The following SERGEF variants were observed in gnomAD, a reference collection of about 807,000 sequenced individuals.
SERGEF encodes the protein secretion regulating guanine nucleotide exchange factor.
In SERGEF, 51 loss-of-function variants were observed where a neutral mutation model predicts 50.0. That is an observed-to-expected ratio of 1.02 (90% CI 0.81 to 1.29). SERGEF has a LOEUF of 1.29. SERGEF is among the 50% of genes most tolerant of loss of function. The pLI, the probability that SERGEF is intolerant of heterozygous loss-of-function variation, is 0.00. For synonymous variants in SERGEF, 205 were observed against 212.4 expected (o/e 0.97, Z 0.30); for missense variants, 521 against 557.0 (o/e 0.94, Z 0.65).
At chr11:17,911,447 CAT>C (rs1851952425) in intron 9 of SERGEF, among the ~76,000 whole-genome samples, 1 of 149,528 alleles carries the variant, frequency 6.7e-6, no homozygotes, top group Non-Finnish European at 1.5e-5. Context: ...TAAGTTTTGA[CAT>C]ATGTACACAC....
At chr11:17,816,624 G>C (rs1436971345) in intron 10 of SERGEF, among the ~76,000 whole-genome samples, 2 of 152,202 alleles carry the variant, frequency 1.3e-5, no homozygotes, top group Non-Finnish European at 2.9e-5. Context: ...AAATGGAAAG[G>C]TAAGCGTGCA....
At chr11:17,799,289 G>A (rs1452656855) in intron 10 of SERGEF, among the ~76,000 whole-genome samples, 2 of 152,084 alleles carry the variant, frequency 1.3e-5, no homozygotes, top group Non-Finnish European at 2.9e-5. Flanking sequence ...CGCTGCTTTG[G>A]AGGCCAAGTC....
At chr11:17,944,731 C>T (rs927744581) in intron 9 of SERGEF, among the ~76,000 whole-genome samples, 4 of 152,194 alleles carry the variant, frequency 2.6e-5, no homozygotes, top group African/African-American at 9.6e-5. Flanking sequence ...ATGAAAAACC[C>T]GCTTCTCTCT....
intron 10 of SERGEF, among the ~76,000 whole-genome samples, chr11:17,816,174 C>G (rs760000983): frequency 1.3e-4 from 20 of 152,220 alleles, no homozygotes; most frequent in Middle Eastern, 3.4e-3. Context: ...CTTTCCTGAT[C>G]CAGAAGTCTC....
chr11:17,826,987 C>T lies in SERGEF; in HGVS notation c.1049-38574G>A, dbSNP rs1850207862. ...TGGTGAAGATGGGATTTGAATTCAG[C>T]CAGTGTTCTTTCTTCTATACCACGC... On this transcript the variant is annotated intron_variant, in intron 10 of 10. Transcript: ENST00000265965. Among the ~76,000 whole-genome samples the T allele has an allele frequency of 3.3e-5, 5 of 150,186 alleles. No homozygotes were observed. In the East Asian group the frequency reaches 9.8e-4, roughly 29 times the overall value.
intron 5 of SERGEF, 45 bp downstream of exon 5, chr11:18,000,452 A>G (rs1196689380): frequency 7.5e-7 from 1 of 1,333,786 alleles, no homozygotes; most frequent in African/African-American, 1.5e-5. Flanking sequence ...CCATCTCTAA[A>G]AAGTATTAAA....
intron 10 of SERGEF, among the ~76,000 whole-genome samples, chr11:17,790,459 G>A (rs1849466232): frequency 6.6e-6 from 1 of 151,760 alleles, no homozygotes; most frequent in South Asian, 2.1e-4. Context: ...ATCCCATTAT[G>A]TATAAATCAT....
At chr11:17,961,018 C>T (rs1005481264) in intron 8 of SERGEF, among the ~76,000 whole-genome samples, 5 of 152,216 alleles carry the variant, frequency 3.3e-5, no homozygotes, top group East Asian at 1.9e-4. Context: ...ACATGTACCA[C>T]TAGTTCTATG....
At chr11:17,987,821 G>A (rs1180532171) in intron 8 of SERGEF, among the ~76,000 whole-genome samples, 2 of 152,198 alleles carry the variant, frequency 1.3e-5, no homozygotes, top group African/African-American at 4.8e-5. Flanking sequence ...AAGCAGGACA[G>A]GAGTAGGCAA....
Position 17,892,827 on chromosome 11 carries a change from C to A in SERGEF, c.1012-14583G>T, listed in dbSNP as rs2283241. ...AGCATCTCTGGGAGGTGGAGGTTGCCGTGAGTTGAGATCATACCACTGCAC... is the reference window on the plus strand; with the variant it reads ...AGCATCTCTGGGAGGTGGAGGTTGCAGTGAGTTGAGATCATACCACTGCAC... On this transcript the variant is annotated intron_variant, in intron 9 of 10. Transcript: ENST00000265965. 2.2e-4 allele frequency among the ~76,000 whole-genome samples: 34 copies of A among 152,178 alleles called. 1 individual carries two copies. In the East Asian group the frequency reaches 6.2e-3, roughly 28 times the overall value.
chr11:17,996,913 A>G (rs1853848324), intron 5 of SERGEF, among the ~76,000 whole-genome samples: 1 of 152,224 alleles, frequency 6.6e-6, no homozygotes, highest in African/African-American at 2.4e-5. Context: ...CTCAACAACC[A>G]AAAGAAACAA....
rs1565194602 is a variant in SERGEF at position 17,884,204 on chromosome 11, G to GA, written c.1012-5961_1012-5960insT. Reference sequence around the variant, plus strand: ...CCTTCAGGTGCTATGGCAACGAGGCGTACGTGCGGAAACACATGATGGCCA... The same window carrying GA: ...CCTTCAGGTGCTATGGCAACGAGGCGATACGTGCGGAAACACATGATGGCCA... On this transcript the variant is annotated intron_variant, in intron 9 of 10. Coordinates refer to ENST00000265965, the MANE Select transcript of SERGEF (RefSeq NM_012139.4). This position sits in a 1 kb window ranked among gnomAD's most constrained non-coding sequence, Gnocchi z 4.6. 6.6e-6 allele frequency among the ~76,000 whole-genome samples: 1 copy of GA among 152,220 alleles called. No homozygotes were observed. The highest frequency in any genetic ancestry group is 2.4e-5 in the African/African-American group (1 of 41,444).
At chr11:17,970,272 T>G (rs1327549616) in intron 8 of SERGEF, among the ~76,000 whole-genome samples, 2 of 152,198 alleles carry the variant, frequency 1.3e-5, no homozygotes, top group Non-Finnish European at 2.9e-5. Context: ...TTACATCTGT[T>G]ATGGTGATCT....
chr11:18,013,031 C>T lies in SERGEF; in HGVS notation c.-21G>A. 1.5e-6 allele frequency: 2 copies of T among 1,358,990 alleles called. No homozygotes were observed. Among genetic ancestry groups the T allele is most frequent in the Non-Finnish European group, 1.9e-6 (2 of 1,066,454 alleles). The allele number at this position is 1,358,990 out of a possible 1,614,324, so 84.2% of individuals were successfully genotyped here. On this transcript the variant is annotated 5_prime_UTR_variant, in exon 1 of 11. Transcript: ENST00000265965. This position sits in a 1 kb window ranked among gnomAD's most constrained non-coding sequence, Gnocchi z 4.3. ...TCCATGCGAGGACGCTCCGCCGGCG[C>T]TTCCGGGAGGGACGGCACGGGGGCG...
intron 10 of SERGEF, among the ~76,000 whole-genome samples, chr11:17,827,555 T>C (rs1048926166): frequency 2.6e-5 from 4 of 152,170 alleles, no homozygotes; most frequent in Non-Finnish European, 5.9e-5. Context: ...CTTGTAACAG[T>C]TCTGGAGCTG....
chr11:17,987,513 C>T (rs976214630), intron 8 of SERGEF, among the ~76,000 whole-genome samples: 2 of 152,210 alleles, frequency 1.3e-5, no homozygotes, highest in Non-Finnish European at 2.9e-5. Context: ...GACGACCTTC[C>T]TCCTAATGAA....
chr11:17,878,824 G>C (rs1851287824), intron 9 of SERGEF, among the ~76,000 whole-genome samples: 1 of 152,112 alleles, frequency 6.6e-6, no homozygotes, highest in South Asian at 2.1e-4. Flanking sequence ...CCTCTACCCA[G>C]AATGTCCTCT....
chr11:17,873,018 A>T (rs1310925435), intron 10 of SERGEF, among the ~76,000 whole-genome samples: 1 of 152,196 alleles, frequency 6.6e-6, no homozygotes, highest in Non-Finnish European at 1.5e-5. Flanking sequence ...ATGTGGTAGA[A>T]GGGTTTTGGG....
At chr11:17,911,068 G>A (rs1414871296) in intron 9 of SERGEF, among the ~76,000 whole-genome samples, 1 of 152,112 alleles carries the variant, frequency 6.6e-6, no homozygotes, top group Non-Finnish European at 1.5e-5. Flanking sequence ...CAGACATGGG[G>A]CACATGAGAT....
Sources: allele counts gnomAD v4.1 joint callset (sites outside exome capture counted in the v4.1 genomes callset), GRCh38; gene constraint gnomAD v4.1.1; non-coding constraint Gnocchi (gnomAD v3.1); transcripts MANE v1.5; gene names NCBI Gene and HGNC (gene_info 2026-07-23, HGNC 2026-07-21).